BCAS3: variants seen among roughly 807,000 people sequenced by gnomAD.
BCAS3 encodes the protein BCAS3 microtubule associated cell migration factor.
A neutral mutation model predicts 116.1 loss-of-function variants in BCAS3; 53 were observed. The ratio of observed to expected loss-of-function variants is 0.46; its 90% CI spans 0.37 to 0.57. The LOEUF (loss-of-function observed/expected upper bound fraction) is 0.57. BCAS3 is among the 20% of genes least tolerant of loss of function. The pLI, the probability that BCAS3 is intolerant of heterozygous loss-of-function variation, is 0.00. For synonymous variants in BCAS3, 391 were observed against 408.2 expected (o/e 0.96, Z 0.51); for missense variants, 917 against 1,165.4 (o/e 0.79, Z 3.10).
chr17:60,988,146 C>G (rs1246712503), intron 14 of BCAS3, among the ~76,000 whole-genome samples: 2 of 151,018 alleles, frequency 1.3e-5, no homozygotes, highest in African/African-American at 2.4e-5. Context: ...GTATGTTATA[C>G]TGTCCTTGCA....
chr17:60,804,044 C>G (rs1017014635), intron 6 of BCAS3, among the ~76,000 whole-genome samples: 2 of 150,628 alleles, frequency 1.3e-5, no homozygotes, highest in African/African-American at 4.9e-5. Context: ...CTCAGGTGAT[C>G]TGCCCGCCAC....
rs1050752752 is a variant in BCAS3, at chr17:61,235,788, G to C, written c.2426-132539G>C. Among the ~76,000 whole-genome samples, 2 of 152,086 alleles carry C rather than the reference G, an allele frequency of 1.3e-5. No individual in the cohort carries two copies. Among genetic ancestry groups the C allele is most frequent in the African/African-American group, 4.8e-5 (2 of 41,438 alleles). The stretch of plus-strand genomic sequence containing the variant: ...TGCAAAAGAGATGTGGAGACTGGGG[G>C]AAAAGGACTGATTATATGTTAGCTT... On this transcript the variant is annotated intron_variant, in intron 22 of 23. Coordinates refer to ENST00000407086, the MANE Select transcript of BCAS3 (RefSeq NM_017679.5). The surrounding 1 kb of genome is among the most constrained non-coding windows in gnomAD (Gnocchi z 5.0).
At position 61,008,725 on chromosome 17, in the gene BCAS3, C is replaced by T. The variant is rs759098377; in HGVS notation, c.1487-7026C>T. 3.3e-5 allele frequency among the ~76,000 whole-genome samples: 5 copies of T among 151,770 alleles called. No homozygotes were observed. Among genetic ancestry groups the T allele is most frequent in the Admixed American group, 1.3e-4 (2 of 15,228 alleles). ...AATAAAAAAATAAAAAAAAAGGCCC[C>T]GTAGAACTCATCATCTAGTTTTTAT... On this transcript the variant is annotated intron_variant, in intron 15 of 23. Coordinates refer to ENST00000407086, the MANE Select transcript of BCAS3 (RefSeq NM_017679.5). The surrounding 1 kb of genome is among the most constrained non-coding windows in gnomAD (Gnocchi z 4.6).
rs371725896 is a variant in BCAS3 at position 60,874,618 on chromosome 17, A to C, written c.585-44A>C. ...TCTGATTCCACTTACAGAATTTCAC[A>C]TTCACTTTTTTTCTTTCTGTTTTTT... is the stretch of plus-strand genomic sequence containing the variant. On this transcript the variant is annotated intron_variant, in intron 8 of 23. Coordinates refer to ENST00000407086, the MANE Select transcript of BCAS3 (RefSeq NM_017679.5). 7 of 1,378,756 alleles carry C rather than the reference A, an allele frequency of 5.1e-6. No homozygotes were observed. The South Asian group carries it at 8.4e-5, about 17-fold the overall frequency. The allele number at this position is 1,378,756 out of a possible 1,614,324, so 85.4% of individuals were successfully genotyped here.
In BCAS3 at chr17:61,074,953, G is replaced by A. The variant is rs267604978; in HGVS notation, c.2063G>A (p.Arg688Gln). The change falls in exon 20 of 24, where the codon CGA (arginine) becomes CAA (glutamine). Residue 688 changes from arginine to glutamine, a missense_variant. Physicochemically the swap from Arg to Gln is conservative, Grantham distance 43 (BLOSUM62 1). Around this residue, in one of 3 missense-constraint regions of BCAS3, gnomAD observed 807 missense variants for 1,026.0 expected, o/e 0.79. Transcript: ENST00000407086. ...CCTGGAAGTCCTGGGCCCATTACTC[G>A]ACATGGGTCTTACGACAGTTTAGCT... ...VPPGSPGPIT[R>Q]HGSYDSLASD... 14 of 1,613,352 alleles carry A rather than the reference G, an allele frequency of 8.7e-6. No homozygotes were observed. The highest frequency in any genetic ancestry group is 8.0e-5 in the African/African-American group (6 of 74,896).
chr17:60,724,358 G>A (rs1341710262), intron 5 of BCAS3, among the ~76,000 whole-genome samples: 1 of 150,080 alleles, frequency 6.7e-6, no homozygotes, highest in African/African-American at 2.5e-5. Context: ...GGGAGGCACA[G>A]GTTGCAGTGA....
At chr17:60,996,122 G>T (rs1406343969) in intron 15 of BCAS3, among the ~76,000 whole-genome samples, 1 of 152,106 alleles carries the variant, frequency 6.6e-6, no homozygotes, top group Non-Finnish European at 1.5e-5. Flanking sequence ...GAGGGCAGAT[G>T]ATTGTTAGCC....
At chr17:60,972,444 C>CTT (rs150860541) in intron 14 of BCAS3, among the ~76,000 whole-genome samples, 1,730 of 113,968 alleles carry the variant, frequency 0.015, 54 homozygotes, top group African/African-American at 0.054. Flanking sequence ...CTCACTTGGC[C>CTT]TTTTTTTTTT....
chr17:60,705,958 C>CCTT (rs1402813907), intron 4 of BCAS3, among the ~76,000 whole-genome samples: 4 of 152,166 alleles, frequency 2.6e-5, no homozygotes, highest in African/African-American at 7.2e-5. Context: ...TATTGCCCTC[C>CCTT]CTTCCACCTC....
chr17:60,765,209 A>G (rs190529774), intron 6 of BCAS3, among the ~76,000 whole-genome samples: 121 of 152,240 alleles, frequency 7.9e-4, no homozygotes, highest in Admixed American at 2.4e-3. Context: ...TAATATTGTT[A>G]TGTGTGAATA....
chr17:61,094,572 A>T (rs2073842996), intron 22 of BCAS3, among the ~76,000 whole-genome samples: 1 of 152,152 alleles, frequency 6.6e-6, no homozygotes, highest in Admixed American at 6.6e-5. Context: ...TCTCGGCCGG[A>T]CACGATGGCA....
At chr17:61,310,102 A>G (rs529203854) in intron 22 of BCAS3, among the ~76,000 whole-genome samples, 2 of 152,284 alleles carry the variant, frequency 1.3e-5, no homozygotes, top group African/African-American at 4.8e-5. Context: ...GGGAGTTGCT[A>G]TGGGTTTGCT....
intron 13 of BCAS3, among the ~76,000 whole-genome samples, chr17:60,938,753 G>GATAA (rs2060075849): frequency 6.6e-6 from 1 of 151,396 alleles, no homozygotes; most frequent in South Asian, 2.1e-4. Context: ...TAGATAGATA[G>GATAA]ATAGATATTG....
chr17:61,003,794 A>G (rs1300290465), intron 15 of BCAS3: 2 of 151,998 alleles, frequency 1.3e-5, no homozygotes, highest in Non-Finnish European at 2.9e-5. Flanking sequence ...ATTCATTTTT[A>G]TTCAGCTAAT....
At chr17:60,697,833 T>G (rs763388527) in intron 4 of BCAS3, among the ~76,000 whole-genome samples, 1 of 151,870 alleles carries the variant, frequency 6.6e-6, no homozygotes, top group African/African-American at 2.4e-5. Flanking sequence ...GATGTCTCTA[T>G]AGGAAAGACC....
intron 22 of BCAS3, among the ~76,000 whole-genome samples, chr17:61,291,399 G>A (rs1249728437): frequency 1.3e-5 from 2 of 152,104 alleles, no homozygotes; most frequent in Non-Finnish European, 2.9e-5. Flanking sequence ...TGTAGCTCCC[G>A]GATTATGACT....
At chr17:60,786,813 A>G (rs1029225660) in intron 6 of BCAS3, among the ~76,000 whole-genome samples, 7 of 152,124 alleles carry the variant, frequency 4.6e-5, no homozygotes, top group African/African-American at 9.7e-5. Context: ...CCAGACTACA[A>G]ATGGTAAAAG....
In BCAS3 at chr17:61,124,318, T is replaced by A. The variant is rs892493839; in HGVS notation, c.2425+39754T>A. On this transcript the variant is annotated intron_variant, in intron 22 of 23. Coordinates refer to ENST00000407086, the MANE Select transcript of BCAS3 (RefSeq NM_017679.5). The surrounding 1 kb of genome is among the most constrained non-coding windows in gnomAD (Gnocchi z 4.6). ...ACAAATAATTGCCCTTGGGTTCTTT[T>A]CCTGGTATCTCGAGCCACCAAGATA... Among the ~76,000 whole-genome samples the A allele has an allele frequency of 6.6e-6, 1 of 152,198 alleles. No individual in the cohort carries two copies. The highest frequency in any genetic ancestry group is 2.4e-5 in the African/African-American group (1 of 41,458).
At chr17:61,182,015 A>G (rs1028914740) in intron 22 of BCAS3, among the ~76,000 whole-genome samples, 1 of 152,046 alleles carries the variant, frequency 6.6e-6, no homozygotes, top group African/African-American at 2.4e-5. Flanking sequence ...CTGGGACTAC[A>G]GGTGTGCACC....
Sources: allele counts gnomAD v4.1 joint callset (sites outside exome capture counted in the v4.1 genomes callset), GRCh38; gene constraint gnomAD v4.1.1; regional missense constraint gnomAD v4.1.1; non-coding constraint Gnocchi (gnomAD v3.1); transcripts MANE v1.5; gene names NCBI Gene and HGNC (gene_info 2026-07-23, HGNC 2026-07-21).